The following DCDC1 variants were observed in gnomAD, a reference collection of about 807,000 sequenced individuals.
The protein encoded by DCDC1 is doublecortin domain containing 1.
A neutral mutation model predicts 178.3 loss-of-function variants in DCDC1; 200 were observed. That is an observed-to-expected ratio of 1.12 (90% CI 1.00 to 1.26). The LOEUF (loss-of-function observed/expected upper bound fraction) is 1.26, where lower values mean the gene tolerates loss of function less well. DCDC1 is among the 50% of genes most tolerant of loss of function. The pLI, the probability that DCDC1 is intolerant of heterozygous loss-of-function variation, is 0.00. For missense variants in DCDC1, 1,983 were observed against 1,749.2 expected, an observed-to-expected ratio of 1.13 and a Z score of -2.38; for synonymous variants, 690 against 604.8, an observed-to-expected ratio of 1.14 and a Z score of -2.07.
At chr11:31,060,151 A>G (rs1044464241) in intron 20 of DCDC1, among the ~76,000 whole-genome samples, 1 of 152,106 alleles carries the variant, frequency 6.6e-6, no homozygotes, top group Non-Finnish European at 1.5e-5. Context: ...TTGAATTTAT[A>G]TTCTCCTAAA....
intron 20 of DCDC1, among the ~76,000 whole-genome samples, chr11:31,025,899 G>A (rs1428872891): frequency 6.6e-6 from 1 of 151,742 alleles, no homozygotes; most frequent in Non-Finnish European, 1.5e-5. Flanking sequence ...TGGCACAGCA[G>A]AAAGAACTGA....
intron 21 of DCDC1, among the ~76,000 whole-genome samples, chr11:30,942,142 G>C (rs1209503625): frequency 6.6e-6 from 1 of 152,148 alleles, no homozygotes; most frequent in African/African-American, 2.4e-5. Context: ...TCTATGAATG[G>C]AGCAACATGG....
chr11:31,103,508 A>G, intron 14 of DCDC1, 136 bp downstream of exon 14: 9 of 548,702 alleles, frequency 1.6e-5, no homozygotes, highest in Non-Finnish European at 2.9e-5. Context: ...ATAAGTCAAT[A>G]AAAGAAACAA....
At chr11:30,945,196 T>C (rs1166722290) in intron 21 of DCDC1, among the ~76,000 whole-genome samples, 1 of 151,624 alleles carries the variant, frequency 6.6e-6, no homozygotes, top group African/African-American at 2.4e-5. Flanking sequence ...CTCCAACTCC[T>C]GACCTCATGA....
Position 31,201,897 on chromosome 11 carries a change from C to T in DCDC1, c.1221+39553G>A, listed in dbSNP as rs901208255. 6.6e-5 allele frequency among the ~76,000 whole-genome samples: 10 copies of T among 152,190 alleles called. No homozygotes were observed. In the East Asian group the frequency reaches 1.7e-3, roughly 26 times the overall value. Reference sequence around the variant, plus strand: ...AAAAGACTGTAGCTCACTGTCAATACACAAGATGTGTCAGAGCTAGCATAT... The same window carrying T: ...AAAAGACTGTAGCTCACTGTCAATATACAAGATGTGTCAGAGCTAGCATAT... On this transcript the variant is annotated intron_variant, in intron 9 of 38. Transcript: ENST00000684477.
At chr11:31,186,956 G>A (rs1264247443) in intron 9 of DCDC1, among the ~76,000 whole-genome samples, 2 of 151,966 alleles carry the variant, frequency 1.3e-5, no homozygotes, top group East Asian at 3.9e-4. Context: ...TCCCTGTTAT[G>A]GTGCCCTCAG....
intron 3 of DCDC1, among the ~76,000 whole-genome samples, chr11:31,322,865 CTGATAG>C (rs1382696477): frequency 6.6e-6 from 1 of 152,208 alleles, no homozygotes; most frequent in East Asian, 1.9e-4. Context: ...TTACTTTCCA[CTGATAG>C]TGGCCTAACA....
intron 20 of DCDC1, among the ~76,000 whole-genome samples, chr11:30,981,972 C>A (rs534199429): frequency 1.3e-5 from 2 of 152,180 alleles, no homozygotes; most frequent in South Asian, 2.1e-4. Flanking sequence ...TTTCAACCAT[C>A]TTTTAGAGTG....
intron 8 of DCDC1, chr11:31,262,784 A>C (rs189564167): frequency 3.1e-6 from 1 of 326,162 alleles, no homozygotes; most frequent in African/African-American, 2.1e-5. Flanking sequence ...AGAAAAAAGA[A>C]GTTCAAAAAC....
At chr11:31,269,725 A>T (rs1212961153) in intron 7 of DCDC1, among the ~76,000 whole-genome samples, 1 of 152,120 alleles carries the variant, frequency 6.6e-6, no homozygotes, top group Non-Finnish European at 1.5e-5. Flanking sequence ...AACTCTTCTG[A>T]TACTAAAATT....
intron 17 of DCDC1, among the ~76,000 whole-genome samples, chr11:31,084,401 A>G (rs1028004827): frequency 6.6e-6 from 1 of 152,184 alleles, no homozygotes; most frequent in Non-Finnish European, 1.5e-5. Flanking sequence ...AACAAGTCAC[A>G]CAGTCATTTT....
intron 22 of DCDC1, among the ~76,000 whole-genome samples, chr11:30,930,369 T>G (rs184122205): frequency 9.3e-4 from 141 of 152,254 alleles, no homozygotes; most frequent in Middle Eastern, 3.4e-3. Context: ...GTGGGTGAAT[T>G]CTATTGATGA....
At chr11:31,245,128 C>A (rs976989715) in intron 8 of DCDC1, among the ~76,000 whole-genome samples, 1 of 151,420 alleles carries the variant, frequency 6.6e-6, no homozygotes, top group Non-Finnish European at 1.5e-5. Flanking sequence ...CCACCTCTGG[C>A]AAAATATCCT....
intron 38 of DCDC1, among the ~76,000 whole-genome samples, chr11:30,868,257 T>G (rs1331771359): frequency 7.0e-6 from 1 of 142,330 alleles, no homozygotes; most frequent in Non-Finnish European, 1.5e-5. Flanking sequence ...TTTTTTTTTT[T>G]TTTTTTTTTT....
intron 9 of DCDC1, among the ~76,000 whole-genome samples, chr11:31,199,071 T>C (rs1971008474): frequency 6.6e-6 from 1 of 152,154 alleles, no homozygotes; most frequent in Middle Eastern, 3.4e-3. Flanking sequence ...AAGCAAAATA[T>C]GATAGCAAAT....
intron 20 of DCDC1, among the ~76,000 whole-genome samples, chr11:31,045,897 C>T (rs1954809284): frequency 6.6e-6 from 1 of 152,118 alleles, no homozygotes; most frequent in Non-Finnish European, 1.5e-5. Flanking sequence ...ACCCATTTTC[C>T]AAGCTTCTCC....
intron 7 of DCDC1, among the ~76,000 whole-genome samples, chr11:31,275,535 G>A (rs555618106): frequency 8.5e-5 from 13 of 152,052 alleles, no homozygotes; most frequent in African/African-American, 2.7e-4. Flanking sequence ...ACAGAGTTTC[G>A]CTCTTGTTGC....
chr11:31,170,807 A>G (rs1478783359), intron 9 of DCDC1, among the ~76,000 whole-genome samples: 1 of 152,048 alleles, frequency 6.6e-6, no homozygotes, highest in Non-Finnish European at 1.5e-5. Context: ...TAGGAAGATC[A>G]GCTTTTTTAT....
At chr11:30,940,979 C>T (rs1249694257) in intron 21 of DCDC1, among the ~76,000 whole-genome samples, 1 of 152,100 alleles carries the variant, frequency 6.6e-6, no homozygotes, top group Non-Finnish European at 1.5e-5. Flanking sequence ...ATGCTTTCTT[C>T]TTCGTCTCAC....
Sources: gnomAD v4.1 joint callset for allele counts (sites outside exome capture counted in the v4.1 genomes callset) on GRCh38, gnomAD v4.1.1 for gene constraint, MANE v1.5 for transcripts, NCBI Gene and HGNC (gene_info 2026-07-23, HGNC 2026-07-21) for gene names.